The following ECRG4 variants were observed in gnomAD, a reference collection of about 807,000 sequenced individuals.
ECRG4 encodes the protein augurin.
In ECRG4, 18 loss-of-function variants were observed where a neutral mutation model predicts 15.8. The observed-to-expected ratio is 1.14, with a 90% CI of 0.79 to 1.69. The LOEUF (loss-of-function observed/expected upper bound fraction) is 1.69, where lower values mean the gene tolerates loss of function less well. Among genes scored for constraint, ECRG4 ranks in the 40% most tolerant of loss-of-function variants. The pLI is 0.00. For missense variants in ECRG4, 200 were observed against 190.9 expected (o/e 1.05, Z -0.28); for synonymous variants, 82 against 73.9 (o/e 1.11, Z -0.56).
At chr2:106,072,160 T>C in intron 2 of ECRG4, 1 of 352,728 alleles carries the variant, frequency 2.8e-6, no homozygotes, top group Non-Finnish European at 5.2e-6. Context: ...ACAGTGTTAA[T>C]TGCATGCTAT....
Position 106,074,001 on chromosome 2 carries a change from G to A in ECRG4, c.243G>A (p.Gln81=), listed in dbSNP as rs771447818. ...GGGACCGGACTCGGCCCGAGGTGCA[G>A]CAGTGGTACCAGCAGTTTCTCTACA... ...QLWDRTRPEV[Q]QWYQQFLYMG... The change falls in exon 3 of 4, where the codon CAG becomes CAA. Residue 81 remains glutamine (Q), a synonymous_variant. Transcript: ENST00000238044. 18 of 1,613,870 alleles carry A rather than the reference G, an allele frequency of 1.1e-5. No homozygotes were observed. The highest frequency in any genetic ancestry group is 1.5e-5 in the Non-Finnish European group (18 of 1,180,046).
chr2:106,073,784 C>T lies in ECRG4; in HGVS notation c.128-102C>T, dbSNP rs1676420723. On this transcript the variant is annotated intron_variant, in intron 2 of 3. Transcript: ENST00000238044. ...AATGAAGTTGAGAGTCAAAACCCTC[C>T]TACACATGGTGGTGGGGGATGGGAT... 8 of 1,402,932 alleles carry T rather than the reference C, an allele frequency of 5.7e-6. No homozygotes were observed. In the East Asian group the frequency reaches 1.8e-4, roughly 32 times the overall value. The allele number at this position is 1,402,932 out of a possible 1,614,324, so 86.9% of individuals were successfully genotyped here.
chr2:106,069,708 C>A (rs780781909), intron 1 of ECRG4, among the ~76,000 whole-genome samples: 4 of 152,202 alleles, frequency 2.6e-5, no homozygotes, highest in African/African-American at 9.7e-5. Context: ...TGTTTGGGCG[C>A]TAGTCCTCTC....
In ECRG4 at chr2:106,073,956, G is replaced by T. The variant is rs1357609122; in HGVS notation, c.198G>T (p.Lys66Asn). Residue 66 changes from lysine (K) to asparagine (N), a missense_variant, in exon 3 of 4, where the codon AAG (lysine) becomes AAT (asparagine). Transcript: ENST00000238044. Reference sequence around the variant, plus strand: ...CCAAAGAATTCCTTGGCAGCCTGAAGCGCCAGAAGCGGCAGCTGTGGGACC... The same window carrying T: ...CCAAAGAATTCCTTGGCAGCCTGAATCGCCAGAAGCGGCAGCTGTGGGACC... ...NKAKEFLGSL[K>N]RQKRQLWDRT... 3.1e-6 allele frequency: 5 copies of T among 1,614,118 alleles called. No homozygotes were observed. The highest frequency in any genetic ancestry group is 4.2e-6 in the Non-Finnish European group (5 of 1,180,054).
intron 1 of ECRG4, 58 bp from the exon 2 acceptor site, chr2:106,071,786 T>C (rs920984283): frequency 1.4e-6 from 2 of 1,473,228 alleles, no homozygotes; most frequent in Non-Finnish European, 1.9e-6. Context: ...TTTTTGCCTT[T>C]GATAAATTGA....
rs1676465856 is a variant in ECRG4, at chr2:106,075,491, G to A, written c.285+1448G>A. The stretch of plus-strand genomic sequence containing the variant: ...AATCCCAGCACTTTGGGAGGCCAAG[G>A]CAGGTGGATCACCTGAGGTCAGGAG... On this transcript the variant is annotated intron_variant, in intron 3 of 3. Transcript: ENST00000238044. Among the ~76,000 whole-genome samples, 4 of 152,164 alleles carry A rather than the reference G, an allele frequency of 2.6e-5. No homozygotes were observed. In the South Asian group the frequency reaches 8.3e-4, roughly 32 times the overall value.
At chr2:106,074,281 C>T (rs942015586) in intron 3 of ECRG4, 3 of 490,232 alleles carry the variant, frequency 6.1e-6, no homozygotes, top group South Asian at 3.2e-5. Flanking sequence ...CAGTCATGAA[C>T]CAAAACAGCG....
At chr2:106,075,628 A>C (rs1676469704) in intron 3 of ECRG4, among the ~76,000 whole-genome samples, 1 of 152,182 alleles carries the variant, frequency 6.6e-6, no homozygotes, top group Admixed American at 6.5e-5. Flanking sequence ...GGACTGAGAC[A>C]GGAGAATCCT....
chr2:106,073,552 G>C (rs373167051), intron 2 of ECRG4, among the ~76,000 whole-genome samples: 1 of 152,222 alleles, frequency 6.6e-6, no homozygotes, highest in African/African-American at 2.4e-5. Flanking sequence ...CGGAGCCTGA[G>C]GGGTGGGCCA....
upstream of ECRG4, chr2:106,065,572 C>A: frequency 2.4e-6 from 1 of 411,230 alleles, no homozygotes; most frequent in Non-Finnish European, 4.2e-6. Context: ...CGGTGGTACT[C>A]GCCCGTGCGC....
chr2:106,065,415 C>T (rs1265113151), upstream of ECRG4, among the ~76,000 whole-genome samples: 1 of 152,220 alleles, frequency 6.6e-6, no homozygotes, highest in Non-Finnish European at 1.5e-5. Context: ...CTTGGGTCTC[C>T]GGAACCCAGC....
Position 106,071,749 on chromosome 2 carries a change from G to A in ECRG4, c.80-95G>A, listed in dbSNP as rs113961515. 1,699 of 954,534 alleles carry A rather than the reference G, an allele frequency of 1.8e-3. 19 individuals carry two copies. In the African/African-American group the frequency reaches 0.023, roughly 13 times the overall value. The allele number at this position is 954,534 out of a possible 1,614,324, so 59.1% of individuals were successfully genotyped here. A position where few individuals can be genotyped will look rare whatever the true frequency, so the allele number is the denominator to read the frequency against. On this transcript the variant is annotated intron_variant, in intron 1 of 3. Transcript: ENST00000238044. ...ACCAAGTTGCCAAATCAAGGCAGGGGCCCGCAGTTCTTTTCTCCCACTCTG... is the reference window on the plus strand; with the variant it reads ...ACCAAGTTGCCAAATCAAGGCAGGGACCCGCAGTTCTTTTCTCCCACTCTG...
chr2:106,064,741 G>C (rs1441192473), upstream of ECRG4, among the ~76,000 whole-genome samples: 1 of 152,220 alleles, frequency 6.6e-6, no homozygotes, highest in Non-Finnish European at 1.5e-5. Flanking sequence ...GTTCAGGGCA[G>C]ATCTGAGATG....
At chr2:106,076,497 T>TG (rs1348032659) in intron 3 of ECRG4, among the ~76,000 whole-genome samples, 2 of 152,066 alleles carry the variant, frequency 1.3e-5, no homozygotes, top group Non-Finnish European at 2.9e-5. Flanking sequence ...ACCCCAGGTA[T>TG]AGAGAATGGC....
chr2:106,075,451 G>T (rs1048079586), intron 3 of ECRG4, among the ~76,000 whole-genome samples: 1 of 152,216 alleles, frequency 6.6e-6, no homozygotes, highest in African/African-American at 2.4e-5. Flanking sequence ...GACGGGCATG[G>T]TGGCTCATGC....
In ECRG4 at chr2:106,077,309, C is replaced by T. The variant is rs1676507542; in HGVS notation, c.286-456C>T. Among the ~76,000 whole-genome samples, 3 of 152,326 alleles carry T rather than the reference C, an allele frequency of 2.0e-5. 1 individual carries two copies. The South Asian group carries it at 6.2e-4, about 32-fold the overall frequency. On this transcript the variant is annotated intron_variant, in intron 3 of 3. Transcript: ENST00000238044. ...GCCCTGGCACTATAATAGGCCAATG[C>T]AGTGGTTGATCTAACTCAGGCAACA...
intron 3 of ECRG4, 74 bp from the exon 4 acceptor site, chr2:106,077,691 A>T: frequency 7.5e-7 from 1 of 1,337,344 alleles, no homozygotes; most frequent in Non-Finnish European, 1.0e-6. Context: ...AAGAAAAGCC[A>T]TAGGTAAGAT....
intron 3 of ECRG4, 47 bp downstream of exon 3, chr2:106,074,090 G>A: frequency 6.2e-7 from 1 of 1,600,526 alleles, no homozygotes; most frequent in Non-Finnish European, 8.5e-7. Flanking sequence ...AGGGAAGGGT[G>A]GCAGGGAGGA....
rs749261815 is a variant in ECRG4, at chr2:106,077,874, G to A, written c.395G>A (p.Arg132Gln). The A allele has an allele frequency of 1.3e-5, 21 of 1,614,010 alleles. No individual in the cohort carries two copies. The highest frequency in any genetic ancestry group is 8.8e-5 in the South Asian group (8 of 91,084). ...HYDEDSAIGP[R>Q]SPYGFRHGAS... The stretch of plus-strand genomic sequence containing the variant: ...GATGAAGACTCTGCAATTGGTCCCC[G>A]GAGCCCCTACGGCTTTAGGCATGGA... The change falls in exon 4 of 4, where the codon CGG becomes CAG. Residue 132 changes from arginine (R) to glutamine (Q), a missense_variant. By Grantham distance (43) the Arg-to-Gln change is conservative. Coordinates refer to ENST00000238044, the MANE Select transcript of ECRG4 (RefSeq NM_032411.3).
Sources: allele counts gnomAD v4.1 joint callset (sites outside exome capture counted in the v4.1 genomes callset), GRCh38; gene constraint gnomAD v4.1.1; transcripts MANE v1.5; gene names NCBI Gene and HGNC (gene_info 2026-07-23, HGNC 2026-07-21).